The following AK8 variants were observed in gnomAD, a reference collection of about 807,000 sequenced individuals.
AK8 encodes ATP-AMP transphosphorylase 8.
Under a neutral mutation model 54.6 loss-of-function variants are expected in AK8, and 44 were observed. The ratio of observed to expected loss-of-function variants is 0.81; its 90% CI spans 0.63 to 1.04. The LOEUF (loss-of-function observed/expected upper bound fraction) is 1.04, where lower values mean the gene tolerates loss of function less well. AK8 is among the 50% of genes least tolerant of loss of function. The pLI, the probability that AK8 is intolerant of heterozygous loss-of-function variation, is 0.00. For synonymous variants in AK8, 239 were observed against 245.6 expected, an observed-to-expected ratio of 0.97 and a Z score of 0.25; for missense variants, 555 against 613.6, an observed-to-expected ratio of 0.90 and a Z score of 1.01.
intron 3 of AK8, among the ~76,000 whole-genome samples, chr9:132,865,549 C>T (rs1200861267): frequency 6.6e-6 from 1 of 152,000 alleles, no homozygotes; most frequent in Non-Finnish European, 1.5e-5. Flanking sequence ...AGGCCGGGCA[C>T]GGTGGCTCAC....
rs61041585 is a variant in AK8, at chr9:132,728,904, CTT to C, written c.1122-1372_1122-1371del. The stretch of plus-strand genomic sequence containing the variant: ...ATGGAACACTTACTTTATATGAAAC[CTT>C]TTTTTTTTTTCTTTTAGAGGCAGGG... On this transcript the variant is annotated intron_variant, in intron 11 of 12. Transcript: ENST00000298545. 6.8e-4 allele frequency among the ~76,000 whole-genome samples: 100 copies of C among 147,204 alleles called. No individual in the cohort carries two copies. The Middle Eastern group carries it at 0.01, about 15-fold the overall frequency.
intron 5 of AK8, among the ~76,000 whole-genome samples, chr9:132,853,392 A>C (rs1843047981): frequency 6.6e-6 from 1 of 151,762 alleles, no homozygotes; most frequent in African/African-American, 2.4e-5. Flanking sequence ...AGGAAAAAAG[A>C]AAACTAAAAA....
intron 5 of AK8, among the ~76,000 whole-genome samples, chr9:132,838,959 G>T (rs560617316): frequency 5.5e-4 from 84 of 151,908 alleles, no homozygotes; most frequent in African/African-American, 2.0e-3. Flanking sequence ...TTATTTTTTT[G>T]TTGAGACCGA....
chr9:132,834,346 G>A lies in AK8; in HGVS notation c.403-5620C>T, dbSNP rs775791247. 6.6e-5 allele frequency among the ~76,000 whole-genome samples: 10 copies of A among 152,324 alleles called. No homozygotes were observed. The Middle Eastern group carries it at 0.01, about 155-fold the overall frequency. On this transcript the variant is annotated intron_variant, in intron 5 of 12. Transcript: ENST00000298545. ...AATCTGACATCACACTGTCCCAGGA[G>A]CAGTTACTTTGGTTTATACAAAAAC...
chr9:132,875,333 C>T (rs1296824201), intron 1 of AK8, 134 bp from the exon 2 acceptor site: 3 of 1,481,946 alleles, frequency 2.0e-6, no homozygotes, highest in African/African-American at 2.8e-5. Flanking sequence ...CCAGCCACCG[C>T]CCCAGCTGGC....
At chr9:132,792,236 C>T (rs78710050) in intron 11 of AK8, among the ~76,000 whole-genome samples, 6,102 of 152,216 alleles carry the variant, frequency 0.04, 425 homozygotes, top group African/African-American at 0.14. Context: ...AAATGGTTAA[C>T]CATTTGGGGA....
chr9:132,774,203 G>A (rs1031656561), intron 11 of AK8, among the ~76,000 whole-genome samples: 1 of 152,104 alleles, frequency 6.6e-6, no homozygotes, highest in African/African-American at 2.4e-5. Context: ...CAGCGCCCCT[G>A]GATGGACACT....
intron 2 of AK8, among the ~76,000 whole-genome samples, chr9:132,869,217 C>T (rs1053990434): frequency 1.4e-4 from 22 of 152,198 alleles, no homozygotes; most frequent in Non-Finnish European, 1.3e-4. Flanking sequence ...ATTTATCTAT[C>T]TATCTATCTA....
At chr9:132,823,461 G>A in intron 8 of AK8, 125 bp from the exon 9 acceptor site, 1 of 1,324,178 alleles carries the variant, frequency 7.6e-7, no homozygotes, top group Non-Finnish European at 1.0e-6. Flanking sequence ...CACCATGGAA[G>A]CCCTCTGTGC....
intron 11 of AK8, among the ~76,000 whole-genome samples, chr9:132,763,180 G>C (rs1296753588): frequency 6.6e-6 from 1 of 152,214 alleles, no homozygotes; most frequent in Non-Finnish European, 1.5e-5. Flanking sequence ...TGAAGCTGGA[G>C]CTACCGCTGG....
At chr9:132,794,091 T>C (rs182498749) in intron 10 of AK8, among the ~76,000 whole-genome samples, 97 of 152,292 alleles carry the variant, frequency 6.4e-4, no homozygotes, top group Admixed American at 2.6e-3. Context: ...CAAAAAACCA[T>C]AACCCTAATT....
At chr9:132,864,920 C>A (rs796197066) in intron 3 of AK8, among the ~76,000 whole-genome samples, 7 of 152,210 alleles carry the variant, frequency 4.6e-5, no homozygotes, top group Non-Finnish European at 7.3e-5. Context: ...TCCAGAAAAA[C>A]GAGTTCAACG....
intron 5 of AK8, among the ~76,000 whole-genome samples, chr9:132,849,803 C>T (rs979227404): frequency 1.9e-4 from 28 of 149,524 alleles, no homozygotes; most frequent in African/African-American, 4.9e-5. Flanking sequence ...GCTGGAGTGC[C>T]GTGGTGCGTG....
At chr9:132,792,154 A>G (rs190392587) in intron 11 of AK8, among the ~76,000 whole-genome samples, 74 of 152,286 alleles carry the variant, frequency 4.9e-4, no homozygotes, top group African/African-American at 1.7e-3. Flanking sequence ...AATATATACA[A>G]TTGTGATGAG....
At position 132,790,950 on chromosome 9, in the gene AK8, G is replaced by A. The variant is rs547400867; in HGVS notation, c.1121+1684C>T. 6.6e-6 allele frequency among the ~76,000 whole-genome samples: 1 copy of A among 152,216 alleles called. No individual in the cohort carries two copies. The highest frequency in any genetic ancestry group is 2.1e-4 in the South Asian group (1 of 4,820). ...TATAATATCAGTAAGAAGAACAAGA[G>A]ATAATATACCTAGAAATAAAATAAA... is the stretch of plus-strand genomic sequence containing the variant. On this transcript the variant is annotated intron_variant, in intron 11 of 12. Transcript: ENST00000298545. This position sits in a 1 kb window ranked among gnomAD's most constrained non-coding sequence, Gnocchi z 4.1.
intron 11 of AK8, among the ~76,000 whole-genome samples, chr9:132,751,916 G>A (rs924959875): frequency 6.6e-6 from 1 of 150,498 alleles, no homozygotes; most frequent in African/African-American, 2.4e-5. Flanking sequence ...TCTGGGCTCT[G>A]CAACATCTGC....
intron 11 of AK8, among the ~76,000 whole-genome samples, chr9:132,779,398 T>C (rs2131121044): frequency 6.6e-6 from 1 of 152,366 alleles, no homozygotes; most frequent in East Asian, 1.9e-4. Flanking sequence ...CATAGCTCAC[T>C]GCAGCCTCTG....
At chr9:132,757,689 C>G (rs1163995135) in intron 11 of AK8, among the ~76,000 whole-genome samples, 1 of 152,144 alleles carries the variant, frequency 6.6e-6, no homozygotes, top group Non-Finnish European at 1.5e-5. Context: ...CAGGCCTTTG[C>G]CCCTTCTGTT....
In AK8 at chr9:132,795,911, C is replaced by T. The variant is rs559858092; in HGVS notation, c.980-3136G>A. Among the ~76,000 whole-genome samples, 3 of 152,308 alleles carry T rather than the reference C, an allele frequency of 2.0e-5. No individual in the cohort carries two copies. In the South Asian group the frequency reaches 6.2e-4, roughly 32 times the overall value. ...GCTAATAATCCAGGCCCACTAAGGC[C>T]TCCATTGTTTAGCGGTGAGAATTAT... On this transcript the variant is annotated intron_variant, in intron 10 of 12. Coordinates refer to ENST00000298545, the MANE Select transcript of AK8 (RefSeq NM_152572.3).
Sources: allele counts gnomAD v4.1 joint callset (sites outside exome capture counted in the v4.1 genomes callset), GRCh38; gene constraint gnomAD v4.1.1; non-coding constraint Gnocchi (gnomAD v3.1); transcripts MANE v1.5; gene names NCBI Gene and HGNC (gene_info 2026-07-23, HGNC 2026-07-21).